The following NFATC2 variants were observed in gnomAD, a reference collection of about 807,000 sequenced individuals.
NFATC2 encodes the protein nuclear factor of activated T cells 2.
NFATC2 carries 22 observed loss-of-function variants against 87.3 expected under a neutral mutation model. The ratio of observed to expected loss-of-function variants is 0.25; its 90% confidence interval spans 0.18 to 0.36. NFATC2 has a LOEUF of 0.36. Ranked by LOEUF, NFATC2 falls within the 10% of genes least tolerant of loss-of-function variation. The pLI is 1.00. For missense variants in NFATC2, 1,149 were observed against 1,259.1 expected, an observed-to-expected ratio of 0.91 and a Z score of 1.32; for synonymous variants, 565 against 542.2, an observed-to-expected ratio of 1.04 and a Z score of -0.58.
upstream of NFATC2, among the ~76,000 whole-genome samples, chr20:51,545,238 T>C (rs1286362630): frequency 6.6e-6 from 1 of 152,214 alleles, no homozygotes; most frequent in Non-Finnish European, 1.5e-5. Context: ...CCATAATTAT[T>C]AAGTGCCACT....
intron 9 of NFATC2, among the ~76,000 whole-genome samples, chr20:51,419,482 C>T (rs1468466856): frequency 6.6e-6 from 1 of 152,066 alleles, no homozygotes; most frequent in Non-Finnish European, 1.5e-5. Context: ...AGGGTACCAT[C>T]CTGAGAATGG....
chr20:51,443,419 A>ACAGC (rs1021105408), intron 6 of NFATC2, among the ~76,000 whole-genome samples: 55 of 152,294 alleles, frequency 3.6e-4, no homozygotes, highest in African/African-American at 1.3e-3. Context: ...TGTGCACCCT[A>ACAGC]CAGCCAGGGT....
intron 5 of NFATC2, among the ~76,000 whole-genome samples, chr20:51,457,814 G>A (rs1986724366): frequency 6.6e-6 from 1 of 151,470 alleles, no homozygotes. Context: ...AGTTTGAGAA[G>A]CTCTGTTCAG....
rs930645495 is a variant in NFATC2, at chr20:51,388,498, T to G, written c.*2998A>C. 3.2e-5 allele frequency: 3 copies of G among 94,458 alleles called. No homozygotes were observed. Among genetic ancestry groups the G allele is most frequent in the Non-Finnish European group, 6.0e-5 (3 of 50,310 alleles). 5.9% of individuals were successfully genotyped at this position (94,458 alleles called of 1,614,324 possible). ...ACAAATGTTTCAAGAATACATCATT[T>G]CTCTTAAGAAAAAAAAATCAACCTA... On this transcript the variant is annotated 3_prime_UTR_variant, in exon 11 of 11. Coordinates refer to ENST00000371564, the MANE Select transcript of NFATC2 (RefSeq NM_012340.5).
intron 10 of NFATC2, among the ~76,000 whole-genome samples, chr20:51,391,879 T>C (rs1335534727): frequency 6.6e-6 from 1 of 152,218 alleles, no homozygotes; most frequent in African/African-American, 2.4e-5. Context: ...CAATTTTTAA[T>C]ATAAGGAATG....
intron 1 of NFATC2, among the ~76,000 whole-genome samples, chr20:51,553,690 A>AG (rs958149356): frequency 1.1e-4 from 17 of 150,290 alleles, no homozygotes; most frequent in Non-Finnish European, 2.2e-4. Context: ...AAAAAAAAAA[A>AG]AAAGAGGGAG....
chr20:51,494,154 T>C (rs575321093), intron 3 of NFATC2, among the ~76,000 whole-genome samples: 1 of 151,558 alleles, frequency 6.6e-6, no homozygotes, highest in Non-Finnish European at 1.5e-5. Flanking sequence ...TGGTTATGAG[T>C]CCTCTTTTGA....
intron 3 of NFATC2, among the ~76,000 whole-genome samples, chr20:51,506,931 ACC>A (rs1436906398): frequency 1.3e-5 from 2 of 152,162 alleles, no homozygotes; most frequent in African/African-American, 2.4e-5. Flanking sequence ...TGAATGCCTG[ACC>A]CTAGGTCCAG....
At chr20:51,530,820 C>T (rs1330990265) in intron 1 of NFATC2, among the ~76,000 whole-genome samples, 1 of 152,118 alleles carries the variant, frequency 6.6e-6, no homozygotes, top group East Asian at 1.9e-4. Flanking sequence ...TCCCTGTTTC[C>T]CCAGGCTGGA....
intron 9 of NFATC2, among the ~76,000 whole-genome samples, chr20:51,422,994 T>C (rs1981183373): frequency 1.3e-5 from 2 of 151,394 alleles, no homozygotes; most frequent in South Asian, 2.1e-4. Context: ...TTTTTTAACA[T>C]TATGATATTC....
intron 5 of NFATC2, among the ~76,000 whole-genome samples, chr20:51,455,956 A>G (rs1411427787): frequency 5.7e-4 from 13 of 22,968 alleles, no homozygotes; most frequent in Non-Finnish European, 7.5e-4. Context: ...GGATGAGTGG[A>G]TGGGTGGGTG....
intron 3 of NFATC2, among the ~76,000 whole-genome samples, chr20:51,515,772 C>G (rs6091332): frequency 6.6e-6 from 1 of 151,630 alleles, no homozygotes; most frequent in Non-Finnish European, 1.5e-5. Flanking sequence ...CCCAAAGCAC[C>G]TGTGGAGATT....
In NFATC2 at chr20:51,443,948, G is replaced by A. The variant is rs145639071; in HGVS notation, c.1850-8187C>T. Among the ~76,000 whole-genome samples, 906 of 152,100 alleles carry A rather than the reference G, an allele frequency of 6.0e-3. 8 individuals carry two copies. Among genetic ancestry groups the A allele is most frequent in the African/African-American group, 0.021 (867 of 41,508 alleles). ...AAAAAAAAAACAAAAAAAATAGGGT[G>A]GGGGGATGGCTAAAGTAACATCATA... On this transcript the variant is annotated intron_variant, in intron 6 of 10. Coordinates refer to ENST00000371564, the MANE Select transcript of NFATC2 (RefSeq NM_012340.5).
rs150778932 is a variant in NFATC2 at position 51,471,752 on chromosome 20, A to G, written c.1708+2228T>C. On this transcript the variant is annotated intron_variant, in intron 5 of 10. Transcript: ENST00000371564. ...GCTTTCCCTTTGCATGTTAGTCTTC[A>G]GACTATCTCTGATTAACAGAAGCTA... Among the ~76,000 whole-genome samples the G allele has an allele frequency of 2.5e-3, 385 of 152,364 alleles. 3 individuals are homozygous for G. The highest frequency in any genetic ancestry group is 8.9e-3 in the African/African-American group (369 of 41,590).
intron 5 of NFATC2, among the ~76,000 whole-genome samples, chr20:51,456,848 C>A (rs1986587706): frequency 6.6e-6 from 1 of 152,262 alleles, no homozygotes; most frequent in Non-Finnish European, 1.5e-5. Flanking sequence ...CTGCTGGGGC[C>A]ACTCAATGGA....
rs71192527 is a variant in NFATC2, at chr20:51,423,291, CAA to C, written c.2722+8774_2722+8775del. On this transcript the variant is annotated intron_variant, in intron 9 of 10. Coordinates refer to ENST00000371564, the MANE Select transcript of NFATC2 (RefSeq NM_012340.5). The stretch of plus-strand genomic sequence containing the variant: ...GGTGACAGAGTGAGAGACCCTCTCT[CAA>C]AAAAAAAAAAAAAAAAAAAAAAGGA... 5.4e-4 allele frequency among the ~76,000 whole-genome samples: 34 copies of C among 62,858 alleles called. No individual in the cohort carries two copies. In the East Asian group the frequency reaches 0.013, roughly 24 times the overall value. The allele number at this position is 62,858 out of a possible 152,430, so 41.2% of individuals were successfully genotyped here.
chr20:51,540,663 T>TTTTTTTTTGTTTGTTTG (rs1555818361), intron 1 of NFATC2, among the ~76,000 whole-genome samples: 1 of 135,770 alleles, frequency 7.4e-6, no homozygotes, highest in African/African-American at 2.8e-5. Context: ...TTTTTGTTTT[T>TTTTTTTTTGTTTGTTTG]TTTTTTTTGA....
chr20:51,489,263 T>C (rs979251116), intron 3 of NFATC2, among the ~76,000 whole-genome samples: 10 of 152,166 alleles, frequency 6.6e-5, no homozygotes, highest in Non-Finnish European at 1.5e-4. Context: ...GGGGGGCCCC[T>C]TTGGCCCTAT....
chr20:51,525,205 G>A (rs1329312601), intron 1 of NFATC2, among the ~76,000 whole-genome samples: 3 of 152,194 alleles, frequency 2.0e-5, no homozygotes, highest in Non-Finnish European at 4.4e-5. Context: ...GGGTGATAGA[G>A]TGAGACTCTG....
Sources: allele counts gnomAD v4.1 joint callset (sites outside exome capture counted in the v4.1 genomes callset), GRCh38; gene constraint gnomAD v4.1.1; transcripts MANE v1.5; gene names NCBI Gene and HGNC (gene_info 2026-07-23, HGNC 2026-07-21).